Variants in TUSC3 observed in about 807,000 individuals in gnomAD.
The protein encoded by TUSC3 is tumor suppressor candidate 3.
Under a neutral mutation model 44.8 loss-of-function variants are expected in TUSC3, and 45 were observed. That is an observed-to-expected ratio of 1.00 (90% CI 0.79 to 1.29). TUSC3 has a LOEUF of 1.29. Ranked by LOEUF, TUSC3 falls within the 50% of genes most tolerant of loss-of-function variation. TUSC3 has a pLI of 0.00. For synonymous variants in TUSC3, 212 were observed against 152.9 expected, an observed-to-expected ratio of 1.39 and a Z score of -2.85; for missense variants, 519 against 437.9, an observed-to-expected ratio of 1.19 and a Z score of -1.65.
In TUSC3 at chr8:15,650,880, C is replaced by G. The variant is rs1585193885; in HGVS notation, c.426+66C>G. 2.6e-6 allele frequency: 4 copies of G among 1,519,494 alleles called. No individual in the cohort carries two copies. In the East Asian group the frequency reaches 9.1e-5, roughly 34 times the overall value. The allele number at this position is 1,519,494 out of a possible 1,614,324, so 94.1% of individuals were successfully genotyped here. The stretch of plus-strand genomic sequence containing the variant: ...TTGTGGTCGATACATTTTTGTTTGT[C>G]ACATAAAAATACAATTCATTCATCG... On this transcript the variant is annotated intron_variant, in intron 3 of 10. Transcript: ENST00000503731.
At chr8:15,707,214 A>G (rs1809655294) in intron 6 of TUSC3, among the ~76,000 whole-genome samples, 3 of 152,122 alleles carry the variant, frequency 2.0e-5, no homozygotes, top group Non-Finnish European at 4.4e-5. Flanking sequence ...ATGCATATAC[A>G]GCTAAAAATG....
At chr8:15,465,280 T>C (rs1483007812) in intron 1 of TUSC3, among the ~76,000 whole-genome samples, 4 of 152,190 alleles carry the variant, frequency 2.6e-5, no homozygotes, top group African/African-American at 4.8e-5. Flanking sequence ...ACACTCTTAG[T>C]GTAAGGATAG....
chr8:15,502,131 T>C (rs1335872975), intron 2 of TUSC3, among the ~76,000 whole-genome samples: 1 of 152,188 alleles, frequency 6.6e-6, no homozygotes, highest in Non-Finnish European at 1.5e-5. Context: ...AGAGTTTAAA[T>C]TGTGTTGACA....
intron 5 of TUSC3, among the ~76,000 whole-genome samples, chr8:15,663,071 A>G (rs1466443766): frequency 6.6e-6 from 1 of 151,906 alleles, no homozygotes; most frequent in African/African-American, 2.4e-5. Context: ...CTCACAGCCA[A>G]TAGCCGAAAC....
At chr8:15,504,200 C>CT (rs1220326487) in intron 2 of TUSC3, among the ~76,000 whole-genome samples, 1 of 152,036 alleles carries the variant, frequency 6.6e-6, no homozygotes, top group African/African-American at 2.4e-5. Flanking sequence ...AATGCTGGTT[C>CT]TGTCACTTGC....
At chr8:15,780,152 C>T in the TUSC3 span, among the ~76,000 whole-genome samples, 1 of 152,170 alleles carries the variant, frequency 6.6e-6, no homozygotes, top group African/African-American at 2.4e-5. Context: ...AACATATGTT[C>T]ATGAGTCAGT....
chr8:15,698,096 T>G (rs993909184), intron 6 of TUSC3, among the ~76,000 whole-genome samples: 5 of 152,206 alleles, frequency 3.3e-5, no homozygotes, highest in African/African-American at 1.2e-4. Flanking sequence ...CTCTTTTATT[T>G]TATCCCTTAA....
intron 6 of TUSC3, among the ~76,000 whole-genome samples, chr8:15,696,725 C>T (rs1040664022): frequency 2.6e-5 from 4 of 152,198 alleles, no homozygotes. Flanking sequence ...AGCACCTATG[C>T]TCATCAGGGA....
chr8:15,421,642 C>A (rs7839293), intron 1 of TUSC3, among the ~76,000 whole-genome samples: 1 of 151,818 alleles, frequency 6.6e-6, no homozygotes, highest in East Asian at 1.9e-4. Flanking sequence ...GGAATTTTTG[C>A]GTTTTGTCCA....
intron 6 of TUSC3, among the ~76,000 whole-genome samples, chr8:15,674,784 A>G (rs968406838): frequency 2.6e-5 from 4 of 152,082 alleles, no homozygotes; most frequent in African/African-American, 7.2e-5. Flanking sequence ...CTATATTTAT[A>G]TGTTTTTAAA....
At chr8:15,509,682 T>C (rs1481544226) in intron 2 of TUSC3, among the ~76,000 whole-genome samples, 1 of 152,184 alleles carries the variant, frequency 6.6e-6, no homozygotes, top group East Asian at 1.9e-4. Context: ...TAGTCTTAAC[T>C]GTAGCTTTGT....
chr8:15,841,313 T>C, the TUSC3 span, among the ~76,000 whole-genome samples: 1 of 152,098 alleles, frequency 6.6e-6, no homozygotes, highest in African/African-American at 2.4e-5. Context: ...ATTGTGGTAA[T>C]TAATACATTT....
intron 3 of TUSC3, among the ~76,000 whole-genome samples, chr8:15,654,860 G>A (rs1476052419): frequency 6.6e-6 from 1 of 152,104 alleles, no homozygotes; most frequent in African/African-American, 2.4e-5. Context: ...AAGGTATTAT[G>A]ATATCCTGGT....
intron 2 of TUSC3, among the ~76,000 whole-genome samples, chr8:15,649,649 C>A (rs898151191): frequency 6.7e-6 from 1 of 149,486 alleles, no homozygotes; most frequent in South Asian, 2.1e-4. Flanking sequence ...TTTTTTAAAT[C>A]TCCAGCCTCT....
chr8:15,472,676 C>T (rs1395772672), intron 1 of TUSC3, among the ~76,000 whole-genome samples: 2 of 152,082 alleles, frequency 1.3e-5, no homozygotes, highest in Non-Finnish European at 2.9e-5. Flanking sequence ...ACATAGTTTG[C>T]CCAAGACTCC....
chr8:15,633,143 A>C (rs1392735902), intron 2 of TUSC3, among the ~76,000 whole-genome samples: 1 of 152,172 alleles, frequency 6.6e-6, no homozygotes, highest in Non-Finnish European at 1.5e-5. Flanking sequence ...TTATGACTTC[A>C]GTTAGATACG....
At chr8:15,730,812 T>C in intron 7 of TUSC3, 83 bp downstream of exon 7, 7 of 1,341,760 alleles carry the variant, frequency 5.2e-6, no homozygotes, top group Non-Finnish European at 7.4e-6. Flanking sequence ...TGGCAGTAAA[T>C]ATCAAGACTT....
At chr8:15,693,742 C>T (rs1228326313) in intron 6 of TUSC3, among the ~76,000 whole-genome samples, 6 of 152,126 alleles carry the variant, frequency 3.9e-5, no homozygotes, top group East Asian at 3.9e-4. Context: ...AATACACTTT[C>T]GAGGTTGCTT....
chr8:15,613,948 C>A (rs1804873818), intron 1 of TUSC3, among the ~76,000 whole-genome samples: 1 of 151,602 alleles, frequency 6.6e-6, no homozygotes, highest in Non-Finnish European at 1.5e-5. Flanking sequence ...GAGATTCACT[C>A]ATTTTCCCTG....
Sources: allele counts gnomAD v4.1 joint callset (sites outside exome capture counted in the v4.1 genomes callset), GRCh38; gene constraint gnomAD v4.1.1; transcripts MANE v1.5; gene names NCBI Gene and HGNC (gene_info 2026-07-23, HGNC 2026-07-21).